Variants in CLCN4 observed in about 807,000 individuals in gnomAD.
The protein encoded by CLCN4 is H(+)/Cl(-) exchange transporter 4.
Under a neutral mutation model 41.7 loss-of-function variants are expected in CLCN4, and 1 was observed. That is an observed-to-expected ratio of 0.02 (90% CI 0.01 to 0.11). The LOEUF is 0.11. CLCN4 is among the 10% of genes least tolerant of loss of function. The pLI is 1.00. For missense variants in CLCN4, 287 were observed against 661.0 expected (o/e 0.43, Z 6.20); for synonymous variants, 277 against 285.8 (o/e 0.97, Z 0.31).
chrX:10,205,984 C>G (rs1296691619), intron 6 of CLCN4, among the ~76,000 whole-genome samples: 3 of 110,449 alleles, frequency 2.7e-5, no homozygotes, highest in African/African-American at 9.9e-5. Flanking sequence ...AGCTCTCCAT[C>G]TCTTAATCTA....
chrX:10,214,148 T>G (rs963784762), intron 11 of CLCN4, 69 bp downstream of exon 11: 1 of 1,049,100 alleles, frequency 9.5e-7, no homozygotes, highest in South Asian at 2.5e-5. Flanking sequence ...CCTAACATTA[T>G]CCAAGATTTT....
intron 2 of CLCN4, among the ~76,000 whole-genome samples, chrX:10,183,461 A>G (rs1010850886): frequency 5.3e-5 from 6 of 112,560 alleles, no homozygotes; most frequent in Non-Finnish European, 1.1e-4. Context: ...AAATGTTTTT[A>G]TAACCACCCT....
intron 2 of CLCN4, among the ~76,000 whole-genome samples, chrX:10,178,727 T>G (rs1387994290): frequency 9.0e-6 from 1 of 111,587 alleles, no homozygotes; most frequent in Non-Finnish European, 1.9e-5. Flanking sequence ...TAGTAGCCAC[T>G]GGGGCCCATT....
chrX:10,163,959 C>T (rs1923178535), intron 2 of CLCN4, among the ~76,000 whole-genome samples: 1 of 112,693 alleles, frequency 8.9e-6, no homozygotes, highest in Admixed American at 9.3e-5. Context: ...AGTATTGCCC[C>T]CAGTTGGTTG....
chrX:10,181,448 G>A (rs942842912), intron 2 of CLCN4, among the ~76,000 whole-genome samples: 9 of 112,088 alleles, frequency 8.0e-5, no homozygotes, highest in Non-Finnish European at 1.3e-4. Flanking sequence ...TGTGTCTGGG[G>A]AAATTAATGC....
chrX:10,214,374 G>A (rs1289014963), intron 11 of CLCN4, among the ~76,000 whole-genome samples: 1 of 112,982 alleles, frequency 8.9e-6, no homozygotes, highest in African/African-American at 3.2e-5. Context: ...AGACATTCTT[G>A]GTTGCAAAGT....
In CLCN4 at chrX:10,194,954, G is replaced by T. The variant is rs2106801; in HGVS notation, c.288G>T (p.Thr96=). Residue 96 remains threonine (T), a synonymous_variant, in exon 5 of 13, where the codon ACG becomes ACT. Coordinates refer to ENST00000380833, the MANE Select transcript of CLCN4 (RefSeq NM_001830.4). The part of the protein sequence containing the change: ...GVIDLAVDWM[T]DLKEGVCLSA... ...TCGATCTCGCCGTGGACTGGATGAC[G>T]GACCTGAAGGAGGGGGTCTGCCTGT... 1 of 1,211,421 alleles carries T rather than the reference G, an allele frequency of 8.3e-7. No homozygotes were observed. Among genetic ancestry groups the T allele is most frequent in the African/African-American group, 1.7e-5 (1 of 57,697 alleles).
chrX:10,225,109 G>A (rs1310449098), intron 12 of CLCN4, among the ~76,000 whole-genome samples: 1 of 112,024 alleles, frequency 8.9e-6, no homozygotes, highest in African/African-American at 3.2e-5. Flanking sequence ...TATATACTCA[G>A]TAATGGGATT....
intron 2 of CLCN4, among the ~76,000 whole-genome samples, chrX:10,173,311 C>T (rs1923428489): frequency 9.0e-6 from 1 of 111,429 alleles, no homozygotes; most frequent in African/African-American, 3.3e-5. Context: ...TCATCCAAGT[C>T]GGAGTCAGAT....
chrX:10,209,829 CTTTT>C (rs58207034), intron 9 of CLCN4, among the ~76,000 whole-genome samples: 1 of 97,632 alleles, frequency 1.0e-5, no homozygotes, highest in African/African-American at 3.7e-5. Flanking sequence ...GTTATTATAG[CTTTT>C]TTTTTTTTTT....
intron 11 of CLCN4, among the ~76,000 whole-genome samples, chrX:10,214,581 T>A (rs2239428): frequency 0.31 from 35,134 of 111,895 alleles, 4,145 homozygotes; most frequent in East Asian, 0.66. Flanking sequence ...ACCACACAAG[T>A]CTTTTGCTTC....
chrX:10,200,049 CCTT>C (rs1379664860), intron 6 of CLCN4, among the ~76,000 whole-genome samples: 1 of 112,158 alleles, frequency 8.9e-6, no homozygotes, highest in Non-Finnish European at 1.9e-5. Context: ...CCACGCCTGG[CCTT>C]CTTGTTTTTT....
chrX:10,212,981 G>C (rs1210052102), intron 10 of CLCN4, among the ~76,000 whole-genome samples: 1 of 111,870 alleles, frequency 8.9e-6, no homozygotes, highest in East Asian at 2.8e-4. Flanking sequence ...GCTTAGCTTA[G>C]CCTACCTTAA....
intron 4 of CLCN4, among the ~76,000 whole-genome samples, chrX:10,188,257 A>G (rs951926939): frequency 8.9e-6 from 1 of 112,591 alleles, no homozygotes; most frequent in African/African-American, 3.2e-5. Context: ...TATGTAGATG[A>G]CAACAAAATC....
chrX:10,162,745 AT>A (rs1923140269), intron 2 of CLCN4, among the ~76,000 whole-genome samples: 1 of 112,576 alleles, frequency 8.9e-6, no homozygotes, highest in South Asian at 3.6e-4. Flanking sequence ...GCAAATAACA[AT>A]GTCAGAATAT....
At chrX:10,174,300 C>T (rs1422547707) in intron 2 of CLCN4, among the ~76,000 whole-genome samples, 1 of 112,125 alleles carries the variant, frequency 8.9e-6, no homozygotes, top group Non-Finnish European at 1.9e-5. Context: ...TGTCATTGGC[C>T]AGATTGGGTT....
intron 3 of CLCN4, among the ~76,000 whole-genome samples, chrX:10,185,831 G>C (rs1196505965): frequency 8.9e-6 from 1 of 111,763 alleles, no homozygotes; most frequent in African/African-American, 3.3e-5. Context: ...AATGGAGGCA[G>C]CAGGGCCACG....
In CLCN4 at chrX:10,213,924, C is replaced by T. The variant is rs1042357480; in HGVS notation, c.1820C>T (p.Pro607Leu). The part of the protein sequence containing the change: ...TDVMRPRRGE[P>L]PLSVLTQDSM... ...GTCATGCGGCCCCGGCGGGGAGAGC[C>T]GCCACTGTCGGTGCTCACCCAGGAC... The change falls in exon 11 of 13, where the codon CCG (proline) becomes CTG (leucine). Residue 607 changes from proline to leucine, a missense_variant. Pro to Leu is a moderately conservative substitution (Grantham distance 98). This residue lies in a region of CLCN4 where 71 missense variants were observed against 104.5 expected (regional missense o/e 0.68). Transcript: ENST00000380833. The T allele has an allele frequency of 2.4e-5, 29 of 1,210,659 alleles. No individual in the cohort carries two copies. Among genetic ancestry groups the T allele is most frequent in the East Asian group, 3.0e-5 (1 of 33,777 alleles).
At chrX:10,204,698 A>G (rs1370128647) in intron 6 of CLCN4, among the ~76,000 whole-genome samples, 2 of 94,144 alleles carry the variant, frequency 2.1e-5, no homozygotes, top group Admixed American at 1.4e-4. Context: ...CGTGGGTCAT[A>G]CAAAAATAGG....
Sources: allele counts gnomAD v4.1 joint callset (sites outside exome capture counted in the v4.1 genomes callset), GRCh38; gene constraint gnomAD v4.1.1; regional missense constraint gnomAD v4.1.1; transcripts MANE v1.5; gene names NCBI Gene and HGNC (gene_info 2026-07-23, HGNC 2026-07-21).